Variants in ZNF519 observed in about 807,000 individuals in gnomAD.
The protein encoded by ZNF519 is similar to Zinc finger protein 85 (Zinc finger protein HPF4) (HTF1).
In ZNF519, 7 loss-of-function variants were observed where a neutral mutation model predicts 7.4. The observed-to-expected ratio is 0.94, with a 90% CI of 0.54 to 1.77. ZNF519 has a LOEUF of 1.77. ZNF519 is among the 40% of genes most tolerant of loss of function. The pLI is 0.00. For missense variants in ZNF519, 586 were observed against 623.1 expected, an observed-to-expected ratio of 0.94 and a Z score of 0.63; for synonymous variants, 179 against 203.3, an observed-to-expected ratio of 0.88 and a Z score of 1.02.
chr18:14,078,356 C>T (rs1367882197), intron 3 of ZNF519: 1 of 152,136 alleles, frequency 6.6e-6, no homozygotes, highest in Non-Finnish European at 1.5e-5. Context: ...TTAACATGTA[C>T]ATGTACATTA....
chr18:14,115,448 T>C (rs2046241824), intron 2 of ZNF519, among the ~76,000 whole-genome samples: 1 of 152,190 alleles, frequency 6.6e-6, no homozygotes, highest in South Asian at 2.1e-4. Context: ...GTTCAACAAT[T>C]GTCAAAAAGA....
intron 2 of ZNF519, among the ~76,000 whole-genome samples, chr18:14,106,690 A>C (rs1179809033): frequency 6.6e-6 from 1 of 152,168 alleles, no homozygotes; most frequent in Non-Finnish European, 1.5e-5. Flanking sequence ...ACCTTGTACT[A>C]CTCACTAAAA....
intron 1 of ZNF519, among the ~76,000 whole-genome samples, chr18:14,124,895 C>A (rs1186943392): frequency 2.0e-5 from 3 of 152,166 alleles, no homozygotes; most frequent in African/African-American, 7.2e-5. Context: ...AGGTGATGGT[C>A]TCTCTTCAAA....
chr18:14,076,457 T>A (rs922886108), exon 5 of ZNF519: 1 of 152,202 alleles, frequency 6.6e-6, no homozygotes, highest in Non-Finnish European at 1.5e-5. Context: ...ATGACAGTGC[T>A]GTAATCCAGG....
intron 3 of ZNF519, chr18:14,080,315 G>GTTTTTTTTTTT (rs55805123): frequency 4.9e-5 from 5 of 101,256 alleles, no homozygotes; most frequent in African/African-American, 1.2e-4. Context: ...CAATTTGACA[G>GTTTTTTTTTTT]TTTTTTTTTT....
intron 3 of ZNF519, chr18:14,078,331 A>G (rs2046056717): frequency 2.0e-5 from 3 of 152,214 alleles, no homozygotes; most frequent in Admixed American, 1.3e-4. Flanking sequence ...GAGAAGCTGT[A>G]TAATTCAATG....
At chr18:14,086,401 G>C (rs1264825980) in intron 2 of ZNF519, among the ~76,000 whole-genome samples, 1 of 152,218 alleles carries the variant, frequency 6.6e-6, no homozygotes, top group Non-Finnish European at 1.5e-5. Context: ...ATCCCCCTGC[G>C]CTGCGCTGGC....
chr18:14,095,161 C>A (rs577825462), downstream of ZNF519, among the ~76,000 whole-genome samples: 1 of 152,154 alleles, frequency 6.6e-6, no homozygotes, highest in Non-Finnish European at 1.5e-5. Flanking sequence ...TTGTTATGTT[C>A]TTTTGGCCCA....
intron 1 of ZNF519, among the ~76,000 whole-genome samples, chr18:14,126,280 TTG>T (rs2046299154): frequency 1.3e-5 from 2 of 152,198 alleles, no homozygotes; most frequent in African/African-American, 2.4e-5. Context: ...TTTTCAGAGT[TTG>T]TGCAATTTTA....
chr18:14,116,285 C>T (rs1403003571), intron 2 of ZNF519, among the ~76,000 whole-genome samples: 2 of 151,972 alleles, frequency 1.3e-5, no homozygotes, highest in Non-Finnish European at 2.9e-5. Context: ...AATGAAAATC[C>T]AAAAGATATT....
Position 14,101,393 on chromosome 18 carries a change from A to G in ZNF519, c.*3524T>C. The G allele has an allele frequency of 3.4e-6, 1 of 289,918 alleles. No individual in the cohort carries two copies. Among genetic ancestry groups the G allele is most frequent in the Non-Finnish European group, 6.3e-6 (1 of 157,998 alleles). 18.0% of individuals were successfully genotyped at this position (289,918 alleles called of 1,614,324 possible). A position where few individuals can be genotyped will look rare whatever the true frequency, so the allele number is the denominator to read the frequency against. On this transcript the variant is annotated 3_prime_UTR_variant, in exon 3 of 3. Coordinates refer to ENST00000590202, the MANE Select transcript of ZNF519 (RefSeq NM_145287.4). ...AATGAGCCCTAGCAAATGCAAAAAC[A>G]CTCATGGTCATAACATGAAGTGAAA... is the stretch of plus-strand genomic sequence containing the variant.
At chr18:14,126,721 C>G (rs1052683626) in intron 1 of ZNF519, among the ~76,000 whole-genome samples, 22 of 152,314 alleles carry the variant, frequency 1.4e-4, no homozygotes, top group African/African-American at 5.3e-4. Context: ...AAAACTGAAG[C>G]AACTCCCATC....
rs914441875 is a variant in ZNF519, at chr18:14,094,018, T to C, written c.131-8942A>G. Among the ~76,000 whole-genome samples, 5 of 152,268 alleles carry C rather than the reference T, an allele frequency of 3.3e-5. No individual in the cohort carries two copies. The East Asian group carries it at 7.7e-4, about 23-fold the overall frequency. On this transcript the variant is annotated intron_variant and NMD_transcript_variant, in intron 2 of 4. Coordinates refer to the ZNF519 transcript ENST00000587419. Reference sequence around the variant, plus strand: ...TAGACATTTCCTTGAAGTTTTCCTATGATCTCTGCATTTATTTTCTTTTCC... The same window carrying C: ...TAGACATTTCCTTGAAGTTTTCCTACGATCTCTGCATTTATTTTCTTTTCC...
At chr18:14,090,531 G>C (rs1389288955) in intron 2 of ZNF519, 1 of 152,356 alleles carries the variant, frequency 6.6e-6, no homozygotes, top group Non-Finnish European at 1.5e-5. Context: ...AGGAGGCCAA[G>C]AGCCAAGCAA....
chr18:14,120,795 C>G (rs964676798), intron 2 of ZNF519, among the ~76,000 whole-genome samples: 1 of 151,810 alleles, frequency 6.6e-6, no homozygotes, highest in African/African-American at 2.4e-5. Flanking sequence ...TAAATTGATA[C>G]AGTCATCATA....
chr18:14,087,551 T>C (rs2046096640), intron 2 of ZNF519, among the ~76,000 whole-genome samples: 1 of 152,136 alleles, frequency 6.6e-6, no homozygotes, highest in African/African-American at 2.4e-5. Context: ...TCCCAAGTCT[T>C]CAATATCAGC....
intron 2 of ZNF519, among the ~76,000 whole-genome samples, chr18:14,094,349 T>A (rs1473829011): frequency 6.6e-6 from 1 of 152,240 alleles, no homozygotes; most frequent in African/African-American, 2.4e-5. Context: ...AACATCGGTA[T>A]CCCTGCCTTG....
At chr18:14,114,121 G>A (rs2046235183) in intron 2 of ZNF519, among the ~76,000 whole-genome samples, 1 of 151,966 alleles carries the variant, frequency 6.6e-6, no homozygotes, top group Non-Finnish European at 1.5e-5. Flanking sequence ...TTCACTTGCT[G>A]TTTAAAAGTT....
At chr18:14,112,722 G>GA (rs1248508480) in intron 2 of ZNF519, among the ~76,000 whole-genome samples, 1 of 151,996 alleles carries the variant, frequency 6.6e-6, no homozygotes, top group East Asian at 1.9e-4. Flanking sequence ...ATTAACCAAA[G>GA]AAATTAAAGA....
Sources: gnomAD v4.1 joint callset for allele counts (sites outside exome capture counted in the v4.1 genomes callset) on GRCh38, gnomAD v4.1.1 for gene constraint, MANE v1.5 for transcripts, NCBI Gene and HGNC (gene_info 2026-07-23, HGNC 2026-07-21) for gene names.